Variants in SNX18 observed in about 807,000 individuals in gnomAD.
The protein encoded by SNX18 is sorting nexin-18.
Under a neutral mutation model 48.7 loss-of-function variants are expected in SNX18, and 35 were observed. The observed-to-expected ratio is 0.72, with a 90% CI of 0.55 to 0.95. SNX18 has a LOEUF of 0.95. Ranked by LOEUF, SNX18 falls within the 40% of genes least tolerant of loss-of-function variation. The pLI is 0.00. For synonymous variants in SNX18, 492 were observed against 384.7 expected, an observed-to-expected ratio of 1.28 and a Z score of -3.26; for missense variants, 824 against 871.0, an observed-to-expected ratio of 0.95 and a Z score of 0.68.
At chr5:54,642,197 G>A in the SNX18 span, among the ~76,000 whole-genome samples, 3 of 152,126 alleles carry the variant, frequency 2.0e-5, no homozygotes, top group Non-Finnish European at 4.4e-5. Context: ...GGGTCACAAT[G>A]CTCCTGTAAA....
the SNX18 span, among the ~76,000 whole-genome samples, chr5:54,628,851 T>G: frequency 4.0e-3 from 612 of 152,330 alleles, 6 homozygotes; most frequent in African/African-American, 0.014. Flanking sequence ...TGCCTGTCCT[T>G]CTGATGAGCA....
At chr5:54,630,692 G>C in the SNX18 span, among the ~76,000 whole-genome samples, 1 of 152,028 alleles carries the variant, frequency 6.6e-6, no homozygotes, top group Non-Finnish European at 1.5e-5. Context: ...AAATTAGCCG[G>C]GCATGGTGGC....
the SNX18 span, among the ~76,000 whole-genome samples, chr5:54,568,147 C>G: frequency 1.2e-4 from 19 of 152,268 alleles, no homozygotes; most frequent in African/African-American, 4.1e-4. Context: ...CCCCACTTTC[C>G]CTTGGTTTCT....
the SNX18 span, among the ~76,000 whole-genome samples, chr5:54,628,559 C>A: frequency 1.3e-5 from 2 of 152,146 alleles, no homozygotes; most frequent in Non-Finnish European, 2.9e-5. Context: ...CATTGGTCAC[C>A]ATCTGTCATC....
Position 54,518,660 on chromosome 5 carries a change from C to G in SNX18, c.708C>G (p.Val236=), listed in dbSNP as rs747434963. The change falls in exon 1 of 2, where the codon GTC becomes GTG. Residue 236 remains valine, a synonymous_variant. Transcript: ENST00000381410. ...SRNLNRFSTF[V]KSGGEAFVLG... ...ACCTCAATCGCTTCTCCACCTTCGT[C>G]AAGTCCGGCGGGGAGGCCTTCGTGC... is the stretch of plus-strand genomic sequence containing the variant. The G allele has an allele frequency of 1.3e-6, 2 of 1,557,956 alleles. No individual in the cohort carries two copies. The highest frequency in any genetic ancestry group is 1.2e-5 in the South Asian group (1 of 82,264).
chr5:54,631,276 T>C, the SNX18 span, among the ~76,000 whole-genome samples: 1 of 152,250 alleles, frequency 6.6e-6, no homozygotes, highest in East Asian at 1.9e-4. Context: ...GAATGTTTCA[T>C]AGAACTATGC....
the SNX18 span, among the ~76,000 whole-genome samples, chr5:54,587,599 T>C: frequency 6.6e-6 from 1 of 152,270 alleles, no homozygotes; most frequent in South Asian, 2.1e-4. Context: ...ATGCACTCAT[T>C]GTTGGTGCTG....
At chr5:54,634,517 G>T in the SNX18 span, among the ~76,000 whole-genome samples, 2 of 151,970 alleles carry the variant, frequency 1.3e-5, no homozygotes, top group Non-Finnish European at 2.9e-5. Flanking sequence ...AAAACATTAC[G>T]AAATTTTTTT....
the SNX18 span, among the ~76,000 whole-genome samples, chr5:54,580,300 T>C: frequency 1.3e-5 from 2 of 152,242 alleles, no homozygotes; most frequent in Admixed American, 6.5e-5. Context: ...TTTTGTATGA[T>C]TGCCACAGTT....
At chr5:54,527,404 C>G (rs903826680) in intron 1 of SNX18, among the ~76,000 whole-genome samples, 3 of 151,674 alleles carry the variant, frequency 2.0e-5, no homozygotes, top group Non-Finnish European at 4.4e-5. Flanking sequence ...GTAGAATCAA[C>G]AGGTTTTCCT....
At chr5:54,633,020 G>A in the SNX18 span, among the ~76,000 whole-genome samples, 10 of 151,996 alleles carry the variant, frequency 6.6e-5, no homozygotes, top group East Asian at 1.9e-4. Flanking sequence ...TGATCTGCCC[G>A]CCTTGGCCTC....
At chr5:54,632,551 G>T in the SNX18 span, among the ~76,000 whole-genome samples, 3 of 152,056 alleles carry the variant, frequency 2.0e-5, no homozygotes, top group Non-Finnish European at 2.9e-5. Context: ...GACATTGCAC[G>T]GCTCCTTTTT....
chr5:54,572,754 G>GTATATATATATATATATATA, the SNX18 span, among the ~76,000 whole-genome samples: 6 of 31,886 alleles, frequency 1.9e-4, no homozygotes, highest in African/African-American at 4.9e-4. Context: ...GTGTGTGTGT[G>GTATATATATATATATATATA]TATATATATA....
chr5:54,570,316 G>A, the SNX18 span, among the ~76,000 whole-genome samples: 1 of 152,192 alleles, frequency 6.6e-6, no homozygotes, highest in African/African-American at 2.4e-5. Context: ...TGCCCCTGCT[G>A]ACTGCTTAAT....
chr5:54,629,976 A>G, the SNX18 span, among the ~76,000 whole-genome samples: 1 of 152,246 alleles, frequency 6.6e-6, no homozygotes, highest in African/African-American at 2.4e-5. Context: ...GCTGATATTT[A>G]TTGAGCTCTT....
At chr5:54,639,850 G>T in the SNX18 span, among the ~76,000 whole-genome samples, 1 of 152,214 alleles carries the variant, frequency 6.6e-6, no homozygotes. Flanking sequence ...AGGAGGTTAT[G>T]CAAGGGCATT....
At chr5:54,608,104 C>T in the SNX18 span, among the ~76,000 whole-genome samples, 1 of 152,128 alleles carries the variant, frequency 6.6e-6, no homozygotes, top group African/African-American at 2.4e-5. Context: ...AACTATTTTC[C>T]AGAGTAGTTG....
the SNX18 span, among the ~76,000 whole-genome samples, chr5:54,628,089 T>G: frequency 6.6e-6 from 1 of 152,152 alleles, no homozygotes; most frequent in Non-Finnish European, 1.5e-5. Context: ...ACAAATTAGT[T>G]GGGCACTGTG....
the SNX18 span, among the ~76,000 whole-genome samples, chr5:54,607,889 A>G: frequency 6.6e-6 from 1 of 152,140 alleles, no homozygotes; most frequent in Non-Finnish European, 1.5e-5. Context: ...AGCCAAGATC[A>G]TGCCACTGCA....
Sources: allele counts gnomAD v4.1 joint callset (sites outside exome capture counted in the v4.1 genomes callset), GRCh38; gene constraint gnomAD v4.1.1; transcripts MANE v1.5; gene names NCBI Gene and HGNC (gene_info 2026-07-23, HGNC 2026-07-21).